The following RPH3A variants were observed in gnomAD, a reference collection of about 807,000 sequenced individuals.
RPH3A encodes rabphilin-3A.
Under a neutral mutation model 102.2 loss-of-function variants are expected in RPH3A, and 48 were observed. The observed-to-expected ratio is 0.47, with a 90% CI of 0.37 to 0.60. RPH3A has a LOEUF of 0.60. Ranked by LOEUF, RPH3A falls within the 20% of genes least tolerant of loss-of-function variation. The pLI, the probability that RPH3A is intolerant of heterozygous loss-of-function variation, is 0.00. For missense variants in RPH3A, 781 were observed against 910.1 expected, an observed-to-expected ratio of 0.86 and a Z score of 1.83; for synonymous variants, 310 against 324.3, an observed-to-expected ratio of 0.96 and a Z score of 0.47.
intron 1 of RPH3A, among the ~76,000 whole-genome samples, chr12:112,620,451 C>T (rs886090916): frequency 6.6e-6 from 1 of 152,196 alleles, no homozygotes; most frequent in African/African-American, 2.4e-5. Context: ...TTCCTTCCAT[C>T]TCTAAACAGC....
At chr12:112,883,234 G>T in intron 15 of RPH3A, 59 bp from the exon 16 acceptor site, 7 of 1,393,662 alleles carry the variant, frequency 5.0e-6, no homozygotes, top group East Asian at 2.4e-5. Context: ...AAACGATGGG[G>T]TTCCAGGACT....
intron 1 of RPH3A, among the ~76,000 whole-genome samples, chr12:112,731,278 A>G (rs1358282692): frequency 6.6e-6 from 1 of 152,058 alleles, no homozygotes; most frequent in Non-Finnish European, 1.5e-5. Flanking sequence ...GAGAAGAATA[A>G]GTCAATGAAT....
In RPH3A at chr12:112,848,929, G is replaced by A. The variant is rs186065021; in HGVS notation, c.230+1087G>A. On this transcript the variant is annotated intron_variant, in intron 5 of 21. Transcript: ENST00000389385. Reference sequence around the variant, plus strand: ...AGACTGGCTGCCGGGATACAGAGAGGCCACTGGAGTGGTCTTCCTAGACCC... The same window carrying A: ...AGACTGGCTGCCGGGATACAGAGAGACCACTGGAGTGGTCTTCCTAGACCC... Among the ~76,000 whole-genome samples the A allele has an allele frequency of 3.3e-5, 5 of 152,212 alleles. No homozygotes were observed. In the East Asian group the frequency reaches 9.7e-4, roughly 29 times the overall value.
upstream of RPH3A, among the ~76,000 whole-genome samples, chr12:112,787,319 G>A (rs2041058107): frequency 1.3e-5 from 2 of 152,160 alleles, no homozygotes; most frequent in African/African-American, 4.8e-5. Context: ...AGTGAAATGG[G>A]CTATCTCAGT....
chr12:112,761,325 C>T (rs116982301), intron 1 of RPH3A, among the ~76,000 whole-genome samples: 165 of 152,308 alleles, frequency 1.1e-3, no homozygotes, highest in Non-Finnish European at 1.0e-3. Context: ...TGTGTATTCA[C>T]ATGCACGTGC....
chr12:112,895,708 G>A (rs906347612), intron 20 of RPH3A, 69 bp from the exon 21 acceptor site: 53 of 1,097,158 alleles, frequency 4.8e-5, no homozygotes, highest in Non-Finnish European at 6.1e-5. Flanking sequence ...CCTAGGACTC[G>A]GCCTCTTACC....
chr12:112,840,913 A>G (rs999106777), intron 4 of RPH3A, among the ~76,000 whole-genome samples: 8 of 152,040 alleles, frequency 5.3e-5, no homozygotes, highest in Non-Finnish European at 8.8e-5. Flanking sequence ...GTTCTTCATC[A>G]TCTGGTGGAA....
chr12:112,803,655 A>G (rs1275866488), intron 2 of RPH3A, among the ~76,000 whole-genome samples: 1 of 152,120 alleles, frequency 6.6e-6, no homozygotes, highest in Non-Finnish European at 1.5e-5. Flanking sequence ...AATATAATTA[A>G]TCATAAAAAT....
At chr12:112,823,426 A>G (rs886984017) in intron 2 of RPH3A, among the ~76,000 whole-genome samples, 2 of 152,234 alleles carry the variant, frequency 1.3e-5, no homozygotes, top group African/African-American at 4.8e-5. Context: ...GGAGTAAAGC[A>G]AATAATGTAG....
At chr12:112,629,057 A>G (rs1307185753) in intron 1 of RPH3A, among the ~76,000 whole-genome samples, 2 of 152,152 alleles carry the variant, frequency 1.3e-5, no homozygotes, top group Non-Finnish European at 2.9e-5. Flanking sequence ...GGTGTTTAGG[A>G]TAATTTAAAA....
chr12:112,886,230 T>A (rs2043000805), intron 16 of RPH3A, among the ~76,000 whole-genome samples: 1 of 152,080 alleles, frequency 6.6e-6, no homozygotes, highest in South Asian at 2.1e-4. Flanking sequence ...CCTCTCTTAG[T>A]GTTTGTCAGG....
intron 1 of RPH3A, among the ~76,000 whole-genome samples, chr12:112,766,453 G>T (rs968750414): frequency 1.3e-5 from 2 of 152,064 alleles, no homozygotes; most frequent in African/African-American, 2.4e-5. Context: ...ACCCTGAAAC[G>T]TGAAAATTAT....
chr12:112,687,113 A>AT (rs1032383139), intron 1 of RPH3A, among the ~76,000 whole-genome samples: 17 of 152,042 alleles, frequency 1.1e-4, no homozygotes, highest in East Asian at 3.9e-4. Flanking sequence ...GTGAGACCCC[A>AT]TTTTTTTTAA....
intron 1 of RPH3A, among the ~76,000 whole-genome samples, chr12:112,664,359 G>T (rs1252885276): frequency 6.6e-6 from 1 of 152,114 alleles, no homozygotes; most frequent in Non-Finnish European, 1.5e-5. Context: ...AAACAATCAG[G>T]TTCTCTCTCC....
At chr12:112,629,417 T>C (rs1180226783) in intron 1 of RPH3A, among the ~76,000 whole-genome samples, 12 of 151,554 alleles carry the variant, frequency 7.9e-5, no homozygotes, top group African/African-American at 2.7e-4. Context: ...TTTAACTACC[T>C]TTTGCTTGTT....
intron 10 of RPH3A, among the ~76,000 whole-genome samples, chr12:112,871,572 T>C (rs2042708824): frequency 6.6e-6 from 1 of 152,038 alleles, no homozygotes; most frequent in African/African-American, 2.4e-5. Context: ...TATTTTTGTG[T>C]GAAAAACCAG....
intron 7 of RPH3A, among the ~76,000 whole-genome samples, chr12:112,867,687 T>C (rs959173939): frequency 6.6e-6 from 1 of 152,190 alleles, no homozygotes; most frequent in Non-Finnish European, 1.5e-5. Flanking sequence ...AGGAATGCAG[T>C]CACTGTCCAA....
At chr12:112,682,351 C>CTTTTTTTT (rs1314037530) in intron 1 of RPH3A, among the ~76,000 whole-genome samples, 1 of 77,684 alleles carries the variant, frequency 1.3e-5, no homozygotes, top group African/African-American at 5.7e-5. Context: ...TTTTTTCTTT[C>CTTTTTTTT]TTTCTTTTTT....
intron 5 of RPH3A, among the ~76,000 whole-genome samples, chr12:112,864,827 T>A (rs575980788): frequency 6.6e-6 from 1 of 152,290 alleles, no homozygotes; most frequent in South Asian, 2.1e-4. Context: ...GGGCAGAATT[T>A]CTAATTCAGT....
Sources: gnomAD v4.1 joint callset for allele counts (sites outside exome capture counted in the v4.1 genomes callset) on GRCh38, gnomAD v4.1.1 for gene constraint, MANE v1.5 for transcripts, NCBI Gene and HGNC (gene_info 2026-07-23, HGNC 2026-07-21) for gene names.